Variants in PCDHA8 observed in about 807,000 individuals in gnomAD.
PCDHA8 encodes the protein protocadherin alpha-8.
In PCDHA8, 53 loss-of-function variants were observed where a neutral mutation model predicts 61.8. That is an observed-to-expected ratio of 0.86 (90% CI 0.69 to 1.08). The LOEUF (loss-of-function observed/expected upper bound fraction) is 1.08, where lower values mean the gene tolerates loss of function less well. PCDHA8 is among the 50% of genes least tolerant of loss of function. PCDHA8 has a pLI of 0.00. For synonymous variants in PCDHA8, 618 were observed against 556.6 expected (o/e 1.11, Z -1.55); for missense variants, 1,293 against 1,245.0 (o/e 1.04, Z -0.58).
chr5:140,946,634 A>ATATAT (rs1554217761), intron 1 of PCDHA8, among the ~76,000 whole-genome samples: 3 of 147,374 alleles, frequency 2.0e-5, no homozygotes, highest in Admixed American at 6.8e-5. Context: ...ATATATATAC[A>ATATAT]ATGGAATACT....
At chr5:140,858,863 A>T (rs1042514918) in intron 1 of PCDHA8, 3 of 258,704 alleles carry the variant, frequency 1.2e-5, no homozygotes, top group Admixed American at 5.3e-5. Context: ...CTCTTCAGTG[A>T]AAATGTGTTT....
intron 1 of PCDHA8, among the ~76,000 whole-genome samples, chr5:140,892,776 T>C (rs2063665865): frequency 6.6e-6 from 1 of 152,224 alleles, no homozygotes; most frequent in East Asian, 1.9e-4. Flanking sequence ...TTCTAGCTTC[T>C]TGAAAATATG....
At chr5:140,846,834 G>C (rs1780700950) in intron 1 of PCDHA8, among the ~76,000 whole-genome samples, 1 of 149,596 alleles carries the variant, frequency 6.7e-6, no homozygotes, top group Non-Finnish European at 1.5e-5. Flanking sequence ...AAGAATATGA[G>C]TCACACAATG....
rs1214693088 is a variant in PCDHA8, at chr5:140,904,196, C to T, written c.2394+60481C>T. Among the ~76,000 whole-genome samples the T allele has an allele frequency of 1.1e-4, 17 of 152,034 alleles. No homozygotes were observed. In the East Asian group the frequency reaches 3.3e-3, roughly 29 times the overall value. On this transcript the variant is annotated intron_variant, in intron 1 of 3. Transcript: ENST00000531613. ...TTCCTCACCCCCTTCCCACCCTTTC[C>T]CCCTAAGTCCCCAAAGTCCATTGTA... is the stretch of plus-strand genomic sequence containing the variant.
chr5:140,908,763 G>A (rs1159029668), intron 1 of PCDHA8, among the ~76,000 whole-genome samples: 5 of 152,284 alleles, frequency 3.3e-5, no homozygotes, highest in East Asian at 3.9e-4. Context: ...CAGCCTGGAC[G>A]TGTTGTAGAG....
intron 1 of PCDHA8, among the ~76,000 whole-genome samples, chr5:140,942,479 A>G (rs1341688235): frequency 6.6e-6 from 1 of 152,154 alleles, no homozygotes; most frequent in East Asian, 1.9e-4. Flanking sequence ...TTCAAGCTAC[A>G]ACTGAAATAA....
At chr5:140,902,920 C>T (rs1186097921) in intron 1 of PCDHA8, among the ~76,000 whole-genome samples, 1 of 152,304 alleles carries the variant, frequency 6.6e-6, no homozygotes, top group Non-Finnish European at 1.5e-5. Context: ...AGTAGTATTG[C>T]ATGGTGTATA....
intron 1 of PCDHA8, among the ~76,000 whole-genome samples, chr5:140,924,551 AT>A (rs2153572839): frequency 6.6e-6 from 1 of 152,240 alleles, no homozygotes; most frequent in African/African-American, 2.4e-5. Context: ...TCTCCCCACC[AT>A]TTTAATCAGC....
At chr5:140,947,106 C>T (rs1172898991) in intron 1 of PCDHA8, among the ~76,000 whole-genome samples, 2 of 151,140 alleles carry the variant, frequency 1.3e-5, no homozygotes, top group Non-Finnish European at 3.0e-5. Context: ...TAAATAGGTA[C>T]GTGTCAATTA....
chr5:140,842,180 A>G lies in PCDHA8; in HGVS notation c.859A>G (p.Thr287Ala), dbSNP rs199588480. ...ATATTCTTTTAATAGCCTTGTTGAA[A>G]CTATGGTTATTGACCACTTTAGCAT... Reference protein sequence around the residue: ...ISYSFNSLVETMVIDHFSIDR... With the variant: ...ISYSFNSLVEAMVIDHFSIDR... The change falls in exon 1 of 4, where the codon ACT becomes GCT. Residue 287 changes from threonine to alanine, a missense_variant. By Grantham distance (58) the Thr-to-Ala change is moderately conservative. Coordinates refer to ENST00000531613, the MANE Select transcript of PCDHA8 (RefSeq NM_018911.3). The G allele has an allele frequency of 3.0e-4, 482 of 1,613,200 alleles. 6 individuals are homozygous for G. Among genetic ancestry groups the G allele is most frequent in the African/African-American group, 2.2e-3 (168 of 74,850 alleles).
At chr5:140,919,376 CAT>C (rs1245050758) in intron 1 of PCDHA8, among the ~76,000 whole-genome samples, 1 of 152,192 alleles carries the variant, frequency 6.6e-6, no homozygotes, top group Non-Finnish European at 1.5e-5. Context: ...GCAGACAACA[CAT>C]AGTTGGATGT....
rs1554262759 is a variant in PCDHA8 at position 141,010,215 on chromosome 5, G to A, written c.*278G>A. ...CCTTTCTCCTCCGCCGCAAAGGAGA[G>A]GCTTCCCAGCCCCGCCAGTGAGAGG... On this transcript the variant is annotated 3_prime_UTR_variant, in exon 4 of 4. Transcript: ENST00000531613. The A allele has an allele frequency of 6.4e-7, 1 of 1,551,774 alleles. No homozygotes were observed. Among genetic ancestry groups the A allele is most frequent in the East Asian group, 2.4e-5 (1 of 40,918 alleles).
At chr5:140,914,613 G>A (rs2076780862) in intron 1 of PCDHA8, among the ~76,000 whole-genome samples, 1 of 151,852 alleles carries the variant, frequency 6.6e-6, no homozygotes, top group Non-Finnish European at 1.5e-5. Flanking sequence ...CTGCCATTTT[G>A]TAATTTGTTT....
chr5:140,932,187 T>C (rs2153611225), intron 1 of PCDHA8, among the ~76,000 whole-genome samples: 1 of 152,028 alleles, frequency 6.6e-6, no homozygotes, highest in Admixed American at 6.5e-5. Context: ...CTCATGTCCA[T>C]TTTTTTCTGT....
intron 1 of PCDHA8, chr5:140,869,512 G>A (rs782635875): frequency 1.9e-6 from 3 of 1,614,072 alleles, no homozygotes; most frequent in Admixed American, 3.3e-5. Flanking sequence ...CTCGCTCAGA[G>A]AACAAAAGCT....
intron 1 of PCDHA8, chr5:140,869,754 G>A (rs781808579): frequency 1.2e-6 from 2 of 1,613,182 alleles, no homozygotes; most frequent in Admixed American, 1.7e-5. Context: ...CTACAGACGG[G>A]GGAAAACCAG....
intron 1 of PCDHA8, among the ~76,000 whole-genome samples, chr5:140,891,857 C>G (rs1202628035): frequency 6.6e-6 from 1 of 152,194 alleles, no homozygotes; most frequent in Non-Finnish European, 1.5e-5. Context: ...GCCTGTCCCT[C>G]TCTTATGCTT....
intron 1 of PCDHA8, among the ~76,000 whole-genome samples, chr5:140,906,736 AT>A (rs1330405649): frequency 6.6e-6 from 1 of 152,132 alleles, no homozygotes; most frequent in Non-Finnish European, 1.5e-5. Flanking sequence ...GTAGTTTCCC[AT>A]TGACACAGGG....
At chr5:140,964,658 G>T (rs2095846855) in intron 1 of PCDHA8, among the ~76,000 whole-genome samples, 1 of 151,968 alleles carries the variant, frequency 6.6e-6, no homozygotes, top group Admixed American at 6.6e-5. Context: ...AATGGGTGAG[G>T]ACACAGGCCA....
Sources: gnomAD v4.1 joint callset for allele counts (sites outside exome capture counted in the v4.1 genomes callset) on GRCh38, gnomAD v4.1.1 for gene constraint, MANE v1.5 for transcripts, NCBI Gene and HGNC (gene_info 2026-07-23, HGNC 2026-07-21) for gene names.